The following ABR variants were observed in gnomAD, a reference collection of about 807,000 sequenced individuals.
ABR encodes the protein active breakpoint cluster region-related protein.
ABR carries 35 observed loss-of-function variants against 107.2 expected under a neutral mutation model. The observed-to-expected ratio is 0.33, with a 90% CI of 0.25 to 0.43. ABR has a LOEUF of 0.43. Among genes scored for constraint, ABR ranks in the 20% least tolerant of loss-of-function variants. The pLI, the probability that ABR is intolerant of heterozygous loss-of-function variation, is 1.00. For missense variants in ABR, 815 were observed against 1,115.2 expected, an observed-to-expected ratio of 0.73 and a Z score of 3.83; for synonymous variants, 498 against 462.0, an observed-to-expected ratio of 1.08 and a Z score of -1.00.
rs1012416519 is a variant in ABR at position 1,051,429 on chromosome 17, G to A, written c.1562-795C>T. 6.6e-6 allele frequency among the ~76,000 whole-genome samples: 1 copy of A among 152,114 alleles called. No individual in the cohort carries two copies. Among genetic ancestry groups the A allele is most frequent in the East Asian group, 1.9e-4 (1 of 5,174 alleles). On this transcript the variant is annotated intron_variant, in intron 14 of 22. Transcript: ENST00000302538. The surrounding 1 kb of genome is among the most constrained non-coding windows in gnomAD (Gnocchi z 4.3). ...TAACAAGGCAGTGGAGGGCTGGGGCGGGAGGGCAGGGCCGGGGGCTTTCCC... is the reference window on the plus strand; with the variant it reads ...TAACAAGGCAGTGGAGGGCTGGGGCAGGAGGGCAGGGCCGGGGGCTTTCCC...
In ABR at chr17:1,109,104, G is replaced by A. The variant is rs370089424; in HGVS notation, c.247-8369C>T. 8 of 1,587,204 alleles carry A rather than the reference G, an allele frequency of 5.0e-6. No homozygotes were observed. In the African/African-American group the frequency reaches 5.5e-5, roughly 11 times the overall value. ...GCCCGCGGAGGGCAGACAGGAAGCG[G>A]GGTCCACGCAGCGGCGGCGGGAGGA... On this transcript the variant is annotated intron_variant, in intron 2 of 22. Transcript: ENST00000302538.
intron 2 of ABR, among the ~76,000 whole-genome samples, chr17:1,117,881 G>A (rs537172380): frequency 1.1e-5 from 1 of 91,404 alleles, no homozygotes; most frequent in Non-Finnish European, 2.2e-5. Flanking sequence ...CCCTCCCAGC[G>A]TTAACCCTGA....
At chr17:1,081,322 G>T (rs1274254395) in intron 5 of ABR, among the ~76,000 whole-genome samples, 2 of 152,140 alleles carry the variant, frequency 1.3e-5, no homozygotes, top group African/African-American at 2.4e-5. Flanking sequence ...CCAATCTCCC[G>T]CCTCGGCCTC....
At position 1,050,223 on chromosome 17, in the gene ABR, G is replaced by T. The variant is rs749560265; in HGVS notation, c.1660-42C>A. 1.1e-5 allele frequency: 17 copies of T among 1,585,476 alleles called. No individual in the cohort carries two copies. The highest frequency in any genetic ancestry group is 1.4e-5 in the Non-Finnish European group (16 of 1,169,294). On this transcript the variant is annotated intron_variant, in intron 15 of 22. Coordinates refer to ENST00000302538, the MANE Select transcript of ABR (RefSeq NM_021962.5). The surrounding 1 kb of genome is among the most constrained non-coding windows in gnomAD (Gnocchi z 4.6). ...CAAAGGGCCCTGAACCTCCGAAGCTGGGAGGCCTGGCTTTCCGGCAGGTGC... is the reference window on the plus strand; with the variant it reads ...CAAAGGGCCCTGAACCTCCGAAGCTTGGAGGCCTGGCTTTCCGGCAGGTGC...
intron 1 of ABR, among the ~76,000 whole-genome samples, chr17:1,158,917 G>A (rs1274339139): frequency 6.6e-6 from 1 of 152,214 alleles, no homozygotes; most frequent in Non-Finnish European, 1.5e-5. Flanking sequence ...TGTAACCACA[G>A]CCTAGGATTA....
chr17:1,110,082 G>A (rs1255319202), intron 2 of ABR, among the ~76,000 whole-genome samples: 1 of 150,218 alleles, frequency 6.7e-6, no homozygotes, highest in African/African-American at 2.5e-5. Context: ...CCCACCGCAG[G>A]GAGCCATCCT....
At position 1,070,259 on chromosome 17, in the gene ABR, T is replaced by G. The variant is rs1471389808; in HGVS notation, c.895-169A>C. Among the ~76,000 whole-genome samples the G allele has an allele frequency of 3.9e-5, 6 of 152,026 alleles. No homozygotes were observed. The highest frequency in any genetic ancestry group is 1.4e-4 in the African/African-American group (6 of 41,398). Reference sequence around the variant, plus strand: ...CACTGCCTTTGGAGTCACATGGGCATGGGTTTGAATGCCAACAGGCTTCTC... The same window carrying G: ...CACTGCCTTTGGAGTCACATGGGCAGGGGTTTGAATGCCAACAGGCTTCTC... On this transcript the variant is annotated intron_variant, in intron 8 of 22. Transcript: ENST00000302538. This position sits in a 1 kb window ranked among gnomAD's most constrained non-coding sequence, Gnocchi z 4.2.
At chr17:1,057,947 G>C in intron 12 of ABR, 23 bp downstream of exon 12, 1 of 1,600,304 alleles carries the variant, frequency 6.2e-7, no homozygotes, top group Non-Finnish European at 8.6e-7. Flanking sequence ...TCATTGGGGA[G>C]CGTGGAAGAG....
chr17:1,189,001 C>T (rs1414653289), upstream of ABR, among the ~76,000 whole-genome samples: 2 of 152,212 alleles, frequency 1.3e-5, no homozygotes, highest in Non-Finnish European at 2.9e-5. Flanking sequence ...CCTCGTGACT[C>T]CTAATTTCCT....
chr17:1,195,424 A>G (rs2042539379), intron 1 of ABR, among the ~76,000 whole-genome samples: 1 of 151,342 alleles, frequency 6.6e-6, no homozygotes, highest in African/African-American at 2.4e-5. Context: ...TGCTACAGTG[A>G]TTAACTAGTC....
chr17:1,171,609 G>A (rs2041712795), intron 1 of ABR, among the ~76,000 whole-genome samples: 1 of 152,160 alleles, frequency 6.6e-6, no homozygotes, highest in African/African-American at 2.4e-5. Context: ...GGCACACCAA[G>A]GCATCAGAGG....
chr17:1,199,536 C>T (rs756454431), intron 1 of ABR, among the ~76,000 whole-genome samples: 5 of 151,358 alleles, frequency 3.3e-5, no homozygotes, highest in Non-Finnish European at 7.4e-5. Context: ...GCAGCCTCCC[C>T]CTCCCGGGTT....
At chr17:1,018,487 C>T (rs2071376973) in intron 16 of ABR, among the ~76,000 whole-genome samples, 1 of 152,210 alleles carries the variant, frequency 6.6e-6, no homozygotes, top group Non-Finnish European at 1.5e-5. Context: ...TGGTCCGATT[C>T]ACCCACAGCC....
At chr17:1,031,249 A>G (rs1401639158) in intron 16 of ABR, among the ~76,000 whole-genome samples, 3 of 152,178 alleles carry the variant, frequency 2.0e-5, no homozygotes, top group Non-Finnish European at 2.9e-5. Flanking sequence ...TGCAGGGATC[A>G]GGTAGAGGCT....
In ABR at chr17:1,078,897, C is replaced by G. The variant is rs985229405; in HGVS notation, c.700+433G>C. 4 of 1,534,952 alleles carry G rather than the reference C, an allele frequency of 2.6e-6. No individual in the cohort carries two copies. The highest frequency in any genetic ancestry group is 3.5e-6 in the Non-Finnish European group (4 of 1,146,434). On this transcript the variant is annotated intron_variant, in intron 6 of 22. Transcript: ENST00000302538. The surrounding 1 kb of genome is among the most constrained non-coding windows in gnomAD (Gnocchi z 7.5). ...CCCCGCGGCGGGAGCGTGCAGCCATCGCTCCAGGCTCCCCGGCGCCCACCA... is the reference window on the plus strand; with the variant it reads ...CCCCGCGGCGGGAGCGTGCAGCCATGGCTCCAGGCTCCCCGGCGCCCACCA...
intron 16 of ABR, among the ~76,000 whole-genome samples, chr17:1,048,525 C>T (rs1357780206): frequency 3.3e-5 from 5 of 152,274 alleles, no homozygotes; most frequent in African/African-American, 7.2e-5. Context: ...TCGCAGCCTG[C>T]GCCTGGATCA....
In ABR at chr17:1,065,593, T is replaced by TGCA. The variant is rs1334374372; in HGVS notation, c.1182+1483_1182+1484insTGC. 3.9e-5 allele frequency among the ~76,000 whole-genome samples: 6 copies of TGCA among 152,220 alleles called. No individual in the cohort carries two copies. In the East Asian group the frequency reaches 5.8e-4, roughly 15 times the overall value. ...CTGTTGTTATGTGAACTGAGGGCTATTCATGTTCCTCTAAACAGCACTTTG... is the reference window on the plus strand; with the variant it reads ...CTGTTGTTATGTGAACTGAGGGCTATGCATCATGTTCCTCTAAACAGCACTTTG... On this transcript the variant is annotated intron_variant, in intron 10 of 22. Transcript: ENST00000302538.
Position 1,050,154 on chromosome 17 carries a change from G to A in ABR, c.1687C>T (p.Gln563Ter). The A allele has an allele frequency of 6.2e-7, 1 of 1,613,902 alleles. No individual in the cohort carries two copies. The highest frequency in any genetic ancestry group is 1.7e-4 in the Middle Eastern group (1 of 6,060). Residue 563 changes from glutamine (Q) to a stop codon, truncating the protein, a stop_gained, in exon 16 of 23, where the codon CAG becomes TAG. Transcript: ENST00000302538. LOFTEE classifies it high-confidence loss of function. This position sits in a 1 kb window ranked among gnomAD's most constrained non-coding sequence, Gnocchi z 4.6. The stretch of plus-strand genomic sequence containing the variant: ...TCATAGCACAGGATCCTCAGGGACT[G>A]GGAGCCCTCCAGCTCGATCTCAAAC... ...EEFEIELEGS[Q>*]SLRILCYEKC... is the part of the protein sequence containing the mutation.
intron 16 of ABR, among the ~76,000 whole-genome samples, chr17:1,048,515 T>TC (rs200283696): frequency 0.012 from 1,813 of 150,816 alleles, 49 homozygotes; most frequent in African/African-American, 0.042. Flanking sequence ...GACGGAGCCA[T>TC]CGCAGCCTGC....
Sources: gnomAD v4.1 joint callset for allele counts (sites outside exome capture counted in the v4.1 genomes callset) on GRCh38, gnomAD v4.1.1 for gene constraint, Gnocchi (gnomAD v3.1) non-coding constraint, MANE v1.5 for transcripts, NCBI Gene and HGNC (gene_info 2026-07-23, HGNC 2026-07-21) for gene names.